EGFR: variants seen among roughly 807,000 people sequenced by gnomAD.
EGFR encodes the protein avian erythroblastic leukemia viral (v-erb-b) oncogene homolog.
EGFR carries 58 observed loss-of-function variants against 143.0 expected under a neutral mutation model. The observed-to-expected ratio is 0.41, with a 90% CI of 0.33 to 0.50. The LOEUF (loss-of-function observed/expected upper bound fraction) is 0.50. EGFR is among the 20% of genes least tolerant of loss of function. EGFR has a pLI of 0.39. For missense variants in EGFR, 1,307 were observed against 1,579.0 expected (o/e 0.83, Z 2.92); for synonymous variants, 613 against 594.4 (o/e 1.03, Z -0.45).
chr7:55,029,112 T>A (rs1387180992), intron 1 of EGFR, among the ~76,000 whole-genome samples: 1 of 152,018 alleles, frequency 6.6e-6, no homozygotes, highest in Admixed American at 6.6e-5. Context: ...TGAGCTGAGA[T>A]CACACCACTA....
At chr7:55,020,028 G>C (rs1786446522) in intron 1 of EGFR, among the ~76,000 whole-genome samples, 1 of 152,210 alleles carries the variant, frequency 6.6e-6, no homozygotes, top group South Asian at 2.1e-4. Context: ...TGGAGTCGCA[G>C]CCTCGACCTG....
chr7:55,068,816 A>G (rs1292421602), intron 1 of EGFR, among the ~76,000 whole-genome samples: 3 of 152,186 alleles, frequency 2.0e-5, no homozygotes, highest in East Asian at 3.9e-4. Context: ...TCAAACTCCT[A>G]TGACTTTTCA....
chr7:55,153,210 G>A (rs551154706), intron 6 of EGFR, among the ~76,000 whole-genome samples: 1 of 152,304 alleles, frequency 6.6e-6, no homozygotes, highest in Non-Finnish European at 1.5e-5. Flanking sequence ...GCTGCACCCT[G>A]CCCTCAAGGG....
intron 1 of EGFR, among the ~76,000 whole-genome samples, chr7:55,045,216 A>C (rs1278152022): frequency 6.6e-6 from 1 of 152,230 alleles, no homozygotes; most frequent in Non-Finnish European, 1.5e-5. Flanking sequence ...TGACTTCACT[A>C]AGATTTAATA....
At chr7:55,154,217 A>C (rs756537369) in intron 7 of EGFR, 65 bp downstream of exon 7, 12 of 1,611,196 alleles carry the variant, frequency 7.4e-6, no homozygotes, top group African/African-American at 1.3e-5. Context: ...TCTCCTGCTG[A>C]GCCCTGGAGT....
At chr7:55,112,878 C>G (rs1792598155) in intron 1 of EGFR, among the ~76,000 whole-genome samples, 1 of 152,188 alleles carries the variant, frequency 6.6e-6, no homozygotes. Flanking sequence ...CAGTCAAGTG[C>G]CAGTGCAACA....
chr7:55,114,217 C>T (rs1027284555), intron 1 of EGFR, among the ~76,000 whole-genome samples: 1 of 152,164 alleles, frequency 6.6e-6, no homozygotes, highest in African/African-American at 2.4e-5. Flanking sequence ...ACAGTATATC[C>T]TGAGATATTT....
chr7:55,121,047 G>A (rs1239556685), intron 1 of EGFR, among the ~76,000 whole-genome samples: 1 of 152,194 alleles, frequency 6.6e-6, no homozygotes, highest in Non-Finnish European at 1.5e-5. Flanking sequence ...CATCTGTTTT[G>A]AAAGCCTGGA....
chr7:55,188,760 G>C (rs1787256432), intron 20 of EGFR: 1 of 152,140 alleles, frequency 6.6e-6, no homozygotes, highest in Non-Finnish European at 1.5e-5. Context: ...TGCCGGCAGT[G>C]GGACGGAGAC....
chr7:55,146,565 G>T (rs2128929320), intron 3 of EGFR, 41 bp from the exon 4 acceptor site: 2 of 1,613,230 alleles, frequency 1.2e-6, no homozygotes, highest in Non-Finnish European at 1.7e-6. Flanking sequence ...GAATTTAAAG[G>T]AGCTGGAAAG....
At chr7:55,104,808 G>A (rs1357753011) in intron 1 of EGFR, among the ~76,000 whole-genome samples, 2 of 152,248 alleles carry the variant, frequency 1.3e-5, no homozygotes, top group Non-Finnish European at 1.5e-5. Context: ...CATTTTTTCT[G>A]TTGTTTTACA....
chr7:55,163,333 C>T (rs1785798562), intron 13 of EGFR, among the ~76,000 whole-genome samples: 1 of 152,174 alleles, frequency 6.6e-6, no homozygotes. Flanking sequence ...AACCATTGAG[C>T]GAGTTCATTC....
intron 27 of EGFR, 199 bp downstream of exon 27, chr7:55,202,824 G>GGTT: frequency 2.9e-6 from 2 of 701,072 alleles, no homozygotes; most frequent in East Asian, 5.4e-5. Flanking sequence ...TGTTGTGTCT[G>GGTT]GTTGTTTGCT....
intron 1 of EGFR, among the ~76,000 whole-genome samples, chr7:55,063,329 G>T (rs531956000): frequency 6.6e-6 from 1 of 152,078 alleles, no homozygotes; most frequent in African/African-American, 2.4e-5. Flanking sequence ...AGTCATTTAG[G>T]TTCAGGCTCT....
At chr7:55,107,682 T>A (rs935730707) in intron 1 of EGFR, among the ~76,000 whole-genome samples, 2 of 152,224 alleles carry the variant, frequency 1.3e-5, no homozygotes, top group African/African-American at 2.4e-5. Context: ...GACTTCCAAA[T>A]TCTCAAGGCC....
At chr7:55,111,743 T>C (rs560272755) in intron 1 of EGFR, among the ~76,000 whole-genome samples, 1 of 152,288 alleles carries the variant, frequency 6.6e-6, no homozygotes, top group Admixed American at 6.5e-5. Flanking sequence ...TGTAAAGACC[T>C]GTCCTTCTAT....
chr7:55,042,867 G>T (rs1027643722), intron 1 of EGFR, among the ~76,000 whole-genome samples: 1 of 152,138 alleles, frequency 6.6e-6, no homozygotes, highest in Non-Finnish European at 1.5e-5. Context: ...CATTGCAAAT[G>T]ACTTCATGAG....
Position 55,200,300 on chromosome 7 carries a change from C to A in EGFR, c.2849-16C>A, listed in dbSNP as rs760627547. 1.2e-6 allele frequency: 2 copies of A among 1,612,438 alleles called. No homozygotes were observed. The highest frequency in any genetic ancestry group is 2.2e-5 in the South Asian group (2 of 91,056). On this transcript the variant is annotated splice_polypyrimidine_tract_variant and intron_variant, in intron 23 of 27. Coordinates refer to ENST00000275493, the MANE Select transcript of EGFR (RefSeq NM_005228.5). ...CAGTGTTCTAATTGCACTGTTTTTT[C>A]TCATTCCTTCCCCAGGCTGGATGAT...
intron 1 of EGFR, 53 bp downstream of exon 1, chr7:55,019,418 C>A (rs879198074): frequency 1.7e-6 from 2 of 1,207,154 alleles, no homozygotes; most frequent in South Asian, 2.3e-5. Context: ...CGCCCCGGAC[C>A]CCGCAGCCCG....
Sources: allele counts gnomAD v4.1 joint callset (sites outside exome capture counted in the v4.1 genomes callset), GRCh38; gene constraint gnomAD v4.1.1; transcripts MANE v1.5; gene names NCBI Gene and HGNC (gene_info 2026-07-23, HGNC 2026-07-21).